The following ZFAT variants were observed in gnomAD, a reference collection of about 807,000 sequenced individuals.
ZFAT encodes the protein zinc finger protein ZFAT.
A neutral mutation model predicts 117.7 loss-of-function variants in ZFAT; 64 were observed. The observed-to-expected ratio is 0.54, with a 90% CI of 0.44 to 0.67. The LOEUF is 0.67. ZFAT is among the 30% of genes least tolerant of loss of function. The pLI is 0.00. For missense variants in ZFAT, 1,433 were observed against 1,584.5 expected (o/e 0.90, Z 1.62); for synonymous variants, 679 against 615.0 (o/e 1.10, Z -1.54).
At chr8:134,715,088 G>A (rs913559397), upstream of ZFAT, among the ~76,000 whole-genome samples, 2 of 152,136 alleles carry the variant, frequency 1.3e-5, no homozygotes, top group African/African-American at 4.8e-5. Context: ...AGTTGTTCTG[G>A]GTTGCTGACA....
At position 134,514,854 on chromosome 8, in the gene ZFAT, G is replaced by A. The variant is rs183829375; in HGVS notation, c.3235-2253C>T. ...CTCTAAGTTCTGGGGTACATGTGCA[G>A]AACATGCAGGTTTGTTACATAAGTA... On this transcript the variant is annotated intron_variant, in intron 13 of 15. Coordinates refer to ENST00000377838, the MANE Select transcript of ZFAT (RefSeq NM_020863.4). Among the ~76,000 whole-genome samples, 56 of 152,208 alleles carry A rather than the reference G, an allele frequency of 3.7e-4. No homozygotes were observed. The East Asian group carries it at 0.011, about 29-fold the overall frequency.
chr8:134,646,070 G>A lies in ZFAT; in HGVS notation c.197-8358C>T, dbSNP rs938232182. Reference sequence around the variant, plus strand: ...AAAAAAATAGAAAAATTAGCCGGGCGTGGTGGCGGGCGCCTGTAGTCCTAG... The same window carrying A: ...AAAAAAATAGAAAAATTAGCCGGGCATGGTGGCGGGCGCCTGTAGTCCTAG... On this transcript the variant is annotated intron_variant, in intron 2 of 15. Coordinates refer to ENST00000377838, the MANE Select transcript of ZFAT (RefSeq NM_020863.4). 2.0e-4 allele frequency among the ~76,000 whole-genome samples: 31 copies of A among 152,130 alleles called. 1 individual carries two copies. The highest frequency in any genetic ancestry group is 3.4e-3 in the Middle Eastern group (1 of 294).
chr8:134,653,289 AAAC>A (rs1283027991), intron 2 of ZFAT, among the ~76,000 whole-genome samples: 17 of 116,330 alleles, frequency 1.5e-4, no homozygotes, highest in Admixed American at 5.5e-4. Context: ...AAAAAAAAAA[AAAC>A]AAAAAACAGG....
chr8:134,720,745 C>A, the ZFAT span, among the ~76,000 whole-genome samples: 1 of 152,256 alleles, frequency 6.6e-6, no homozygotes, highest in Non-Finnish European at 1.5e-5. Flanking sequence ...TCTCAGTTAA[C>A]CTGTGCTACT....
chr8:134,694,472 T>C (rs1833731209), intron 1 of ZFAT, among the ~76,000 whole-genome samples: 2 of 152,108 alleles, frequency 1.3e-5, no homozygotes, highest in Admixed American at 1.3e-4. Flanking sequence ...ATATGAAAAG[T>C]TTTTGTACTA....
chr8:134,739,249 A>G, the ZFAT span, among the ~76,000 whole-genome samples: 1 of 151,994 alleles, frequency 6.6e-6, no homozygotes, highest in Non-Finnish European at 1.5e-5. Flanking sequence ...ACAAAGCAGC[A>G]AGTATCTACA....
At chr8:134,711,986 A>C (rs1814017564) in intron 1 of ZFAT, among the ~76,000 whole-genome samples, 1 of 152,220 alleles carries the variant, frequency 6.6e-6, no homozygotes, top group Admixed American at 6.5e-5. Context: ...CCAAAAGGTC[A>C]CTTGGACTCC....
At chr8:134,528,644 T>C (rs564116306) in intron 12 of ZFAT, among the ~76,000 whole-genome samples, 1 of 152,372 alleles carries the variant, frequency 6.6e-6, no homozygotes, top group Admixed American at 6.5e-5. Context: ...CTCCTCTTAT[T>C]GCTTCCTCTT....
chr8:134,511,257 T>G (rs989724966), intron 14 of ZFAT, among the ~76,000 whole-genome samples: 2 of 151,010 alleles, frequency 1.3e-5, no homozygotes, highest in Admixed American at 1.3e-4. Context: ...GTGTGGGGGG[T>G]GTGTGTGTGC....
Position 134,631,761 on chromosome 8 carries a change from G to A in ZFAT, c.448+5700C>T, listed in dbSNP as rs575565228. On this transcript the variant is annotated intron_variant, in intron 3 of 15. Transcript: ENST00000377838. ...GTGGCAAATTGGCAGCAAGCCACGC[G>A]CACTCAAAGGCCAAAGTCCTGATTC... is the stretch of plus-strand genomic sequence containing the variant. 6.0e-4 allele frequency among the ~76,000 whole-genome samples: 91 copies of A among 152,286 alleles called. 1 individual carries two copies. The South Asian group carries it at 0.016, about 27-fold the overall frequency.
intron 13 of ZFAT, among the ~76,000 whole-genome samples, chr8:134,513,466 C>A (rs1820012198): frequency 6.6e-6 from 1 of 152,202 alleles, no homozygotes; most frequent in Non-Finnish European, 1.5e-5. Context: ...AGCCACCACG[C>A]TCGGCTGTGC....
At chr8:134,662,642 G>A (rs148764435) in intron 1 of ZFAT, among the ~76,000 whole-genome samples, 9 of 152,316 alleles carry the variant, frequency 5.9e-5, no homozygotes, top group East Asian at 1.9e-4. Flanking sequence ...AATGGCCACC[G>A]CCAAGCACTG....
the ZFAT span, among the ~76,000 whole-genome samples, chr8:134,826,511 A>T: frequency 6.6e-6 from 1 of 152,258 alleles, no homozygotes; most frequent in African/African-American, 2.4e-5. Context: ...CTTTAATAGT[A>T]AAATTTCCAC....
At chr8:134,738,800 C>G in the ZFAT span, among the ~76,000 whole-genome samples, 1 of 152,064 alleles carries the variant, frequency 6.6e-6, no homozygotes, top group Non-Finnish European at 1.5e-5. Flanking sequence ...TGCAAAGGCC[C>G]AGGGGGAGAG....
At chr8:134,659,180 T>C (rs1831805350) in intron 1 of ZFAT, among the ~76,000 whole-genome samples, 1 of 152,204 alleles carries the variant, frequency 6.6e-6, no homozygotes, top group Admixed American at 6.5e-5. Flanking sequence ...TGAGCAAGTA[T>C]CTCATCCTCC....
At chr8:134,733,780 A>C in the ZFAT span, among the ~76,000 whole-genome samples, 1 of 152,210 alleles carries the variant, frequency 6.6e-6, no homozygotes, top group Admixed American at 6.5e-5. Context: ...CTGTCCTGAC[A>C]TGACTTGATG....
chr8:134,699,837 C>T (rs879591547), intron 1 of ZFAT, among the ~76,000 whole-genome samples: 14 of 152,234 alleles, frequency 9.2e-5, no homozygotes, highest in Non-Finnish European at 1.8e-4. Flanking sequence ...TGGTTAAGAA[C>T]GTGAGTGCTA....
the ZFAT span, among the ~76,000 whole-genome samples, chr8:134,737,151 A>G: frequency 6.6e-6 from 1 of 152,086 alleles, no homozygotes; most frequent in African/African-American, 2.4e-5. Flanking sequence ...GTGGTGGCGC[A>G]TGATTGTAAT....
At chr8:134,561,418 C>T (rs899188984) in intron 11 of ZFAT, among the ~76,000 whole-genome samples, 1 of 151,930 alleles carries the variant, frequency 6.6e-6, no homozygotes, top group Non-Finnish European at 1.5e-5. Flanking sequence ...ACCTAGGCAC[C>T]GATTTCCATC....
Sources: gnomAD v4.1 joint callset for allele counts (sites outside exome capture counted in the v4.1 genomes callset) on GRCh38, gnomAD v4.1.1 for gene constraint, MANE v1.5 for transcripts, NCBI Gene and HGNC (gene_info 2026-07-23, HGNC 2026-07-21) for gene names.